Variants in STK38 observed in about 807,000 individuals in gnomAD.
The protein encoded by STK38 is serine/threonine kinase 38, also known as serine/threonine-protein kinase 38.
A neutral mutation model predicts 59.0 loss-of-function variants in STK38; 26 were observed. The ratio of observed to expected loss-of-function variants is 0.44; its 90% CI spans 0.32 to 0.61. The LOEUF is 0.61. Ranked by LOEUF, STK38 falls within the 20% of genes least tolerant of loss-of-function variation. STK38 has a pLI of 0.04. For synonymous variants in STK38, 175 were observed against 176.6 expected (o/e 0.99, Z 0.07); for missense variants, 433 against 566.0 (o/e 0.76, Z 2.38).
intron 2 of STK38, among the ~76,000 whole-genome samples, chr6:36,536,484 T>C (rs145361867): frequency 7.9e-5 from 12 of 152,238 alleles, no homozygotes; most frequent in African/African-American, 1.7e-4. Context: ...CTGGTCAACA[T>C]AGCAAGACCT....
intron 2 of STK38, among the ~76,000 whole-genome samples, chr6:36,528,482 C>A (rs944878418): frequency 2.0e-5 from 3 of 152,146 alleles, no homozygotes; most frequent in African/African-American, 7.2e-5. Flanking sequence ...CTTAGAATTT[C>A]CTGTCTAGAG....
intron 2 of STK38, among the ~76,000 whole-genome samples, chr6:36,533,186 T>G (rs936871758): frequency 6.6e-6 from 1 of 152,178 alleles, no homozygotes; most frequent in African/African-American, 2.4e-5. Flanking sequence ...CTTGTTCAGT[T>G]GCCCAAGCTG....
intron 5 of STK38, among the ~76,000 whole-genome samples, chr6:36,520,717 C>T (rs954264868): frequency 6.6e-6 from 1 of 152,078 alleles, no homozygotes; most frequent in Non-Finnish European, 1.5e-5. Flanking sequence ...CAAGACTTAC[C>T]GCCCAGGTAT....
chr6:36,542,919 T>C (rs1177760289), intron 1 of STK38, among the ~76,000 whole-genome samples: 2 of 151,842 alleles, frequency 1.3e-5, no homozygotes, highest in African/African-American at 4.8e-5. Flanking sequence ...GCACTCCACC[T>C]GGGTGACAGA....
chr6:36,521,530 T>C (rs1467616413), intron 5 of STK38, among the ~76,000 whole-genome samples: 4 of 152,272 alleles, frequency 2.6e-5, no homozygotes, highest in African/African-American at 4.8e-5. Context: ...TTTTAAAAGA[T>C]TGCATATAAC....
At chr6:36,525,855 G>A (rs935090072) in intron 2 of STK38, among the ~76,000 whole-genome samples, 2 of 151,840 alleles carry the variant, frequency 1.3e-5, no homozygotes, top group African/African-American at 4.8e-5. Context: ...GGGGAGGGGG[G>A]CAGGTTGCGA....
At chr6:36,510,897 T>C (rs1162892926) in intron 7 of STK38, among the ~76,000 whole-genome samples, 2 of 152,228 alleles carry the variant, frequency 1.3e-5, no homozygotes, top group Non-Finnish European at 2.9e-5. Context: ...AGTACAGATA[T>C]CTTTCTGGCA....
chr6:36,541,880 G>A (rs1246790685), intron 1 of STK38, among the ~76,000 whole-genome samples: 2 of 148,944 alleles, frequency 1.3e-5, no homozygotes, highest in Non-Finnish European at 3.0e-5. Context: ...CCATGCTGGA[G>A]TACAATGATT....
chr6:36,541,599 C>T (rs6920166), intron 1 of STK38, among the ~76,000 whole-genome samples: 36,173 of 151,964 alleles, frequency 0.24, 4,541 homozygotes, highest in East Asian at 0.39. Flanking sequence ...AATGTGCAGA[C>T]AATTAAAATA....
At chr6:36,541,740 A>G (rs1333302163) in intron 1 of STK38, among the ~76,000 whole-genome samples, 2 of 152,190 alleles carry the variant, frequency 1.3e-5, no homozygotes, top group Non-Finnish European at 2.9e-5. Flanking sequence ...TATTAGAAAC[A>G]TATCATCAAA....
intron 10 of STK38, among the ~76,000 whole-genome samples, chr6:36,498,890 CT>C (rs1359460483): frequency 1.3e-5 from 2 of 152,126 alleles, no homozygotes; most frequent in Non-Finnish European, 2.9e-5. Context: ...TGTGCCCGGC[CT>C]GATTCTGTAT....
At chr6:36,498,317 C>A in intron 11 of STK38, 46 bp downstream of exon 11, 1 of 1,578,314 alleles carries the variant, frequency 6.3e-7, no homozygotes, top group South Asian at 1.2e-5. Flanking sequence ...TGGAATCATT[C>A]ATATTAAAAA....
Position 36,497,786 on chromosome 6 carries a change from T to C in STK38, c.1166A>G (p.His389Arg). ...NSFFEGVDWE[H>R]IRERPAAISI... ...AGTGTTTATATGGATATACCTGATA[T>C]GTTCCCAGTCAACGCCTTCAAAAAA... The change falls in exon 12 of 14, where the codon CAT becomes CGT. Residue 389 changes from histidine (H) to arginine (R), a missense_variant. By Grantham distance (29) the His-to-Arg change is conservative. This residue lies in a region of STK38 where 136 missense variants were observed against 156.7 expected (regional missense o/e 0.87). Transcript: ENST00000229812. The C allele has an allele frequency of 3.7e-6, 6 of 1,610,390 alleles. No individual in the cohort carries two copies. The highest frequency in any genetic ancestry group is 1.3e-5 in the African/African-American group (1 of 74,800).
intron 4 of STK38, among the ~76,000 whole-genome samples, chr6:36,522,888 G>GAAA (rs1437390870): frequency 5.0e-5 from 7 of 139,006 alleles, no homozygotes; most frequent in Non-Finnish European, 9.4e-5. Flanking sequence ...AGAAGAAGAA[G>GAAA]AAAATTCAAA....
chr6:36,512,496 A>G (rs1319690626), intron 7 of STK38, among the ~76,000 whole-genome samples: 1 of 152,212 alleles, frequency 6.6e-6, no homozygotes, highest in Non-Finnish European at 1.5e-5. Context: ...TCTGACATTA[A>G]TGACACAGGA....
rs147955963 is a variant in STK38, at chr6:36,532,727, C to T, written c.132-7085G>A. Among the ~76,000 whole-genome samples the T allele has an allele frequency of 5.2e-3, 786 of 152,128 alleles. 3 individuals carry two copies. Among genetic ancestry groups the T allele is most frequent in the African/African-American group, 0.017 (721 of 41,508 alleles). On this transcript the variant is annotated intron_variant, in intron 2 of 13. Transcript: ENST00000229812. Reference sequence around the variant, plus strand: ...CAGACTGGCCAACATGGTGAAACCCCGCTTCTACTAAAAATACAAAAATTA... The same window carrying T: ...CAGACTGGCCAACATGGTGAAACCCTGCTTCTACTAAAAATACAAAAATTA...
intron 6 of STK38, 43 bp downstream of exon 6, chr6:36,517,674 C>T (rs1274667657): frequency 1.2e-6 from 2 of 1,602,854 alleles, no homozygotes. Flanking sequence ...AAAGAAACCA[C>T]AGAACAAAAA....
At chr6:36,515,245 G>A (rs1163019759) in intron 7 of STK38, 93 bp downstream of exon 7, 29 of 1,421,344 alleles carry the variant, frequency 2.0e-5, no homozygotes, top group East Asian at 1.7e-4. Context: ...GTCACAGCTC[G>A]CCCACTGGGA....
At chr6:36,503,450 T>G (rs9470299) in intron 9 of STK38, among the ~76,000 whole-genome samples, 94 of 131,388 alleles carry the variant, frequency 7.2e-4, no homozygotes, top group African/African-American at 2.5e-3. Flanking sequence ...GTGTGTGTGT[T>G]TGTGTGTGTA....
Sources: gnomAD v4.1 joint callset for allele counts (sites outside exome capture counted in the v4.1 genomes callset) on GRCh38, gnomAD v4.1.1 for gene constraint, gnomAD v4.1.1 regional missense constraint, MANE v1.5 for transcripts, NCBI Gene and HGNC (gene_info 2026-07-23, HGNC 2026-07-21) for gene names.